Variants in DENND4C observed in about 807,000 individuals in gnomAD.
The protein encoded by DENND4C is DENN domain containing 4C, also known as DENN domain-containing protein 4C.
A neutral mutation model predicts 203.0 loss-of-function variants in DENND4C; 108 were observed. The observed-to-expected ratio is 0.53, with a 90% CI of 0.46 to 0.62. The LOEUF is 0.62. Among genes scored for constraint, DENND4C ranks in the 20% least tolerant of loss-of-function variants. DENND4C has a pLI of 0.00. For missense variants in DENND4C, 2,481 were observed against 2,301.2 expected, an observed-to-expected ratio of 1.08 and a Z score of -1.60; for synonymous variants, 871 against 792.4, an observed-to-expected ratio of 1.10 and a Z score of -1.67.
At chr9:19,234,530 GTTTT>G (rs34232597) in intron 1 of DENND4C, among the ~76,000 whole-genome samples, 1 of 104,452 alleles carries the variant, frequency 9.6e-6, no homozygotes, top group Non-Finnish European at 1.8e-5. Context: ...GCACCTGGCT[GTTTT>G]TTTTTTTTTT....
At chr9:19,349,442 A>G (rs942137485) in intron 23 of DENND4C, among the ~76,000 whole-genome samples, 1 of 152,168 alleles carries the variant, frequency 6.6e-6, no homozygotes, top group African/African-American at 2.4e-5. Context: ...AAACAGAAGT[A>G]CATTACACAG....
intron 1 of DENND4C, among the ~76,000 whole-genome samples, chr9:19,268,940 A>G (rs1042796806): frequency 1.3e-5 from 2 of 152,156 alleles, no homozygotes; most frequent in Non-Finnish European, 2.9e-5. Flanking sequence ...TTGCTGTTCC[A>G]TAACCTTCTT....
intron 5 of DENND4C, among the ~76,000 whole-genome samples, chr9:19,292,084 G>A (rs1300713273): frequency 6.6e-6 from 1 of 152,090 alleles, no homozygotes; most frequent in Non-Finnish European, 1.5e-5. Flanking sequence ...GAGTGCAGTG[G>A]TGCGATCTCG....
chr9:19,316,744 C>A lies in DENND4C; in HGVS notation c.1712C>A (p.Ala571Glu). 4.3e-6 allele frequency: 7 copies of A among 1,613,996 alleles called. No individual in the cohort carries two copies. Among genetic ancestry groups the A allele is most frequent in the Non-Finnish European group, 5.1e-6 (6 of 1,179,976 alleles). The change falls in exon 12 of 33, where the codon GCG (alanine) becomes GAG (glutamate). Residue 571 changes from alanine (A) to glutamate (E), a missense_variant. This residue lies in a region of DENND4C where 2,289 missense variants were observed against 2,113.3 expected (regional missense o/e 1.08). Coordinates refer to ENST00000434457, the MANE Select transcript of DENND4C (RefSeq NM_001330640.2). ...CAAGAGGCATTTTTGCGCTTTATGGCGTCTATTTTAAAAGGATATAGAACA... is the reference window on the plus strand; with the variant it reads ...CAAGAGGCATTTTTGCGCTTTATGGAGTCTATTTTAAAAGGATATAGAACA... ...EIQEAFLRFM[A>E]SILKGYRTYL...
At chr9:19,359,208 A>G (rs543321083) in intron 28 of DENND4C, among the ~76,000 whole-genome samples, 2 of 151,744 alleles carry the variant, frequency 1.3e-5, no homozygotes, top group Non-Finnish European at 2.9e-5. Flanking sequence ...GGAATAGGGT[A>G]TCATTATGAG....
chr9:19,339,580 G>A (rs1821165025), intron 20 of DENND4C, among the ~76,000 whole-genome samples: 1 of 151,974 alleles, frequency 6.6e-6, no homozygotes, highest in South Asian at 2.1e-4. Context: ...TATTAATTTG[G>A]ATCACCTAGT....
chr9:19,345,499 T>G (rs1822672203), intron 22 of DENND4C, among the ~76,000 whole-genome samples: 1 of 152,242 alleles, frequency 6.6e-6, no homozygotes, highest in African/African-American at 2.4e-5. Flanking sequence ...AGTAAGACTT[T>G]GAGTATAGCA....
At position 19,357,222 on chromosome 9, in the gene DENND4C, T is replaced by C. The variant is rs544563446; in HGVS notation, c.4964+68T>C. ...GGTACCCTTGTAAAAATTCTGTCTC[T>C]AAAGACAACCTGACTCATATAGGCA... On this transcript the variant is annotated intron_variant, in intron 27 of 32. Coordinates refer to ENST00000434457, the MANE Select transcript of DENND4C (RefSeq NM_001330640.2). The C allele has an allele frequency of 1.3e-5, 20 of 1,523,676 alleles. 1 individual carries two copies. In the South Asian group the frequency reaches 2.3e-4, roughly 18 times the overall value. 94.4% of individuals were successfully genotyped at this position (1,523,676 alleles called of 1,614,324 possible).
intron 9 of DENND4C, among the ~76,000 whole-genome samples, chr9:19,303,118 A>G (rs547538317): frequency 2.0e-5 from 3 of 152,218 alleles, no homozygotes; most frequent in African/African-American, 7.2e-5. Flanking sequence ...GCATGTTTGC[A>G]GAATACATGC....
At position 19,289,508 on chromosome 9, in the gene DENND4C, C is replaced by T. The variant is rs117273532; in HGVS notation, c.628+843C>T. ...ATATAAAAATAATGGCAACGACTAA[C>T]GTATAAAATTCAGTATCATTTTAAA... On this transcript the variant is annotated intron_variant, in intron 4 of 32. Coordinates refer to ENST00000434457, the MANE Select transcript of DENND4C (RefSeq NM_001330640.2). 6.1e-3 allele frequency among the ~76,000 whole-genome samples: 922 copies of T among 152,170 alleles called. 5 individuals carry two copies. Among genetic ancestry groups the T allele is most frequent in the Non-Finnish European group, 9.7e-3 (660 of 68,012 alleles).
rs10611179 is a variant in DENND4C, at chr9:19,252,712, T to TAC, written c.-18+21907_-18+21908dup. ...GCATTTAACCAAATCAGCGTGTGTA[T>TAC]ACACACACACACACACACACACACA... On this transcript the variant is annotated intron_variant, in intron 1 of 32. Coordinates refer to ENST00000434457, the MANE Select transcript of DENND4C (RefSeq NM_001330640.2). 1.9e-3 allele frequency among the ~76,000 whole-genome samples: 288 copies of TAC among 150,020 alleles called. 1 individual carries two copies. The highest frequency in any genetic ancestry group is 6.6e-3 in the African/African-American group (270 of 40,922).
chr9:19,344,956 GAGA>G (rs1452311524), intron 22 of DENND4C, among the ~76,000 whole-genome samples: 1 of 152,184 alleles, frequency 6.6e-6, no homozygotes, highest in Non-Finnish European at 1.5e-5. Flanking sequence ...TCGTACAGCA[GAGA>G]AGGAGAGAGC....
chr9:19,307,791 A>G (rs1049346100), intron 10 of DENND4C, among the ~76,000 whole-genome samples: 1 of 151,576 alleles, frequency 6.6e-6, no homozygotes, highest in East Asian at 1.9e-4. Flanking sequence ...AAAAAAGAAA[A>G]TATTAGCAAT....
At chr9:19,360,775 A>G (rs547337948) in intron 29 of DENND4C, among the ~76,000 whole-genome samples, 1 of 152,300 alleles carries the variant, frequency 6.6e-6, no homozygotes, top group South Asian at 2.1e-4. Context: ...GTTAGGAGAA[A>G]AATGGATGGA....
chr9:19,241,053 C>T (rs953588940), intron 1 of DENND4C, among the ~76,000 whole-genome samples: 8 of 152,170 alleles, frequency 5.3e-5, no homozygotes, highest in Non-Finnish European at 1.2e-4. Context: ...TAATAGGGCA[C>T]TTACCACGAG....
chr9:19,239,332 T>G (rs1246977537), intron 1 of DENND4C, among the ~76,000 whole-genome samples: 1 of 152,164 alleles, frequency 6.6e-6, no homozygotes, highest in Non-Finnish European at 1.5e-5. Flanking sequence ...TCTTTTGCAG[T>G]TTCTTTTTTG....
intron 4 of DENND4C, among the ~76,000 whole-genome samples, chr9:19,290,394 C>G (rs777262887): frequency 1.3e-5 from 2 of 152,162 alleles, no homozygotes; most frequent in Non-Finnish European, 2.9e-5. Context: ...ATGTTTCTTA[C>G]CATTTTCCAC....
At chr9:19,307,043 C>T (rs1839823268) in intron 10 of DENND4C, among the ~76,000 whole-genome samples, 1 of 152,018 alleles carries the variant, frequency 6.6e-6, no homozygotes, top group African/African-American at 2.4e-5. Flanking sequence ...CTTGGCCTCC[C>T]AAAGTGCTGG....
intron 1 of DENND4C, among the ~76,000 whole-genome samples, chr9:19,264,023 A>G (rs905495199): frequency 1.3e-5 from 2 of 152,132 alleles, no homozygotes; most frequent in Admixed American, 6.6e-5. Flanking sequence ...GCCTTACAGA[A>G]TAAGTTTGGA....
Sources: gnomAD v4.1 joint callset for allele counts (sites outside exome capture counted in the v4.1 genomes callset) on GRCh38, gnomAD v4.1.1 for gene constraint, gnomAD v4.1.1 regional missense constraint, MANE v1.5 for transcripts, NCBI Gene and HGNC (gene_info 2026-07-23, HGNC 2026-07-21) for gene names.